HGSNAT: variants seen among roughly 807,000 people sequenced by gnomAD.
HGSNAT encodes the protein heparan-alpha-glucosaminide N-acetyltransferase, also known as transmembrane protein 76.
In HGSNAT, 59 loss-of-function variants were observed where a neutral mutation model predicts 85.2. The observed-to-expected ratio is 0.69, with a 90% CI of 0.56 to 0.86. The LOEUF is 0.86. Ranked by LOEUF, HGSNAT falls within the 40% of genes least tolerant of loss-of-function variation. The pLI, the probability that HGSNAT is intolerant of heterozygous loss-of-function variation, is 0.00. For missense variants in HGSNAT, 756 were observed against 777.1 expected, an observed-to-expected ratio of 0.97 and a Z score of 0.32; for synonymous variants, 321 against 304.5, an observed-to-expected ratio of 1.05 and a Z score of -0.56.
At chr8:43,197,990 G>A (rs750918387) in intron 17 of HGSNAT, 38 bp downstream of exon 17, 2 of 1,464,568 alleles carry the variant, frequency 1.4e-6, no homozygotes, top group South Asian at 2.3e-5. Context: ...CTGGGATGGT[G>A]ACCAGGAGGC....
chr8:43,168,082 C>T (rs1803490229), intron 5 of HGSNAT: 2 of 175,796 alleles, frequency 1.1e-5, no homozygotes, highest in Admixed American at 1.3e-4. Flanking sequence ...CCATGCCTGG[C>T]TAATTTTTTT....
At chr8:43,166,567 C>T (rs980700777) in intron 5 of HGSNAT, among the ~76,000 whole-genome samples, 10 of 152,176 alleles carry the variant, frequency 6.6e-5, no homozygotes, top group Non-Finnish European at 8.8e-5. Flanking sequence ...TTTAAGCCTA[C>T]TGTCGAGACC....
intron 2 of HGSNAT, among the ~76,000 whole-genome samples, chr8:43,154,160 A>G (rs1263355731): frequency 6.6e-6 from 1 of 152,184 alleles, no homozygotes; most frequent in Admixed American, 6.5e-5. Context: ...TATTAGCCAC[A>G]CAAACTTCTT....
At chr8:43,196,205 A>T (rs761562725) in intron 14 of HGSNAT, 3 of 328,720 alleles carry the variant, frequency 9.1e-6, no homozygotes. Context: ...GGATTGAATA[A>T]GTTAATTCAT....
At chr8:43,144,991 C>T (rs906134069) in intron 1 of HGSNAT, among the ~76,000 whole-genome samples, 1 of 152,136 alleles carries the variant, frequency 6.6e-6, no homozygotes, top group Non-Finnish European at 1.5e-5. Flanking sequence ...GTTCAAACAG[C>T]ACCACTGGTA....
intron 1 of HGSNAT, among the ~76,000 whole-genome samples, chr8:43,144,094 C>T (rs952183437): frequency 1.3e-5 from 2 of 151,818 alleles, no homozygotes; most frequent in African/African-American, 4.8e-5. Context: ...TCGAGGTGGG[C>T]AGATCACTTG....
At chr8:43,181,047 C>T (rs1157628587) in intron 10 of HGSNAT, among the ~76,000 whole-genome samples, 85 of 105,248 alleles carry the variant, frequency 8.1e-4, no homozygotes, top group East Asian at 2.8e-3. Context: ...GCAGCAGTAC[C>T]GTCCAGCCTT....
In HGSNAT at chr8:43,158,596, A is replaced by G. The variant is rs1803165689; in HGVS notation, c.256A>G (p.Asn86Asp). The G allele has an allele frequency of 6.2e-7, 1 of 1,613,922 alleles. No homozygotes were observed. The highest frequency in any genetic ancestry group is 8.5e-7 in the Non-Finnish European group (1 of 1,179,856). Reference protein sequence around the residue: ...CYHCLFQVLVNVPQSPKAGKP... With the variant: ...CYHCLFQVLVDVPQSPKAGKP... ...ACAGTGCTTGTTTCAGGTTCTGGTA[A>G]ACGTTCCTCAGAGTCCAAAAGCAGG... is the stretch of plus-strand genomic sequence containing the variant. The change falls in exon 3 of 18, where the codon AAC (asparagine) becomes GAC (aspartate). Residue 86 changes from asparagine to aspartate, a missense_variant. Transcript: ENST00000379644.
chr8:43,141,317 A>G (rs1389336191), intron 1 of HGSNAT, among the ~76,000 whole-genome samples: 1 of 149,958 alleles, frequency 6.7e-6, no homozygotes, highest in African/African-American at 2.5e-5. Context: ...GCCGCCTGGG[A>G]GGGGCCGGGC....
At chr8:43,164,349 C>A (rs899093804) in intron 5 of HGSNAT, among the ~76,000 whole-genome samples, 2 of 151,662 alleles carry the variant, frequency 1.3e-5, no homozygotes, top group Non-Finnish European at 2.9e-5. Context: ...ATTGAAGGTT[C>A]GTGGCAACCC....
At chr8:43,146,909 CTTTTTT>C in intron 1 of HGSNAT, 33 bp from the exon 2 acceptor site, 1 of 1,035,184 alleles carries the variant, frequency 9.7e-7, no homozygotes, top group Non-Finnish European at 1.4e-6. Flanking sequence ...TTTCGGGTGC[CTTTTTT>C]TTTTTTTTTT....
At chr8:43,154,408 T>G (rs1803023215) in intron 2 of HGSNAT, among the ~76,000 whole-genome samples, 1 of 147,082 alleles carries the variant, frequency 6.8e-6, no homozygotes, top group Non-Finnish European at 1.5e-5. Flanking sequence ...TGTGTTCTCA[T>G]TGTTCAATTC....
chr8:43,169,597 T>A (rs1031568558), intron 6 of HGSNAT, among the ~76,000 whole-genome samples: 3 of 152,226 alleles, frequency 2.0e-5, no homozygotes, highest in Admixed American at 2.0e-4. Flanking sequence ...TGGCCTCCTC[T>A]AATGATTTAA....
At chr8:43,185,779 A>G (rs1804286275) in intron 11 of HGSNAT, among the ~76,000 whole-genome samples, 1 of 152,184 alleles carries the variant, frequency 6.6e-6, no homozygotes, top group Non-Finnish European at 1.5e-5. Flanking sequence ...TGGGTTTGTC[A>G]TAAGTAGCTC....
rs765410268 is a variant in HGSNAT at position 43,192,379 on chromosome 8, C to T, written c.1326C>T (p.Ile442=). 14 of 1,612,922 alleles carry T rather than the reference C, an allele frequency of 8.7e-6. No individual in the cohort carries two copies. Among genetic ancestry groups the T allele is most frequent in the East Asian group, 6.7e-5 (3 of 44,874 alleles). The change falls in exon 13 of 18, where the codon ATC becomes ATT. Residue 442 remains isoleucine, a synonymous_variant. Coordinates refer to ENST00000379644, the MANE Select transcript of HGSNAT (RefSeq NM_152419.3). ...GCACTGGAGGAGCTGCAGGCTACAT[C>T]GACCGCCTGCTGCTGGGAGACGATC... The part of the protein sequence containing the change: ...PNCTGGAAGY[I]DRLLLGDDHL...
chr8:43,193,961 A>C lies in HGSNAT; in HGVS notation c.1464+118A>C, dbSNP rs1033773024. ...ATATTCTCTCTTGTGCTATGGGCCT[A>C]ATATATTCTGTTATCTTTGACAGAT... On this transcript the variant is annotated intron_variant, in intron 14 of 17. Coordinates refer to ENST00000379644, the MANE Select transcript of HGSNAT (RefSeq NM_152419.3). The C allele has an allele frequency of 2.0e-6, 3 of 1,485,314 alleles. No homozygotes were observed. The African/African-American group carries it at 4.2e-5, about 21-fold the overall frequency. 92.0% of individuals were successfully genotyped at this position (1,485,314 alleles called of 1,614,324 possible).
chr8:43,170,472 T>A, intron 6 of HGSNAT, 113 bp from the exon 7 acceptor site: 1 of 976,526 alleles, frequency 1.0e-6, no homozygotes, highest in Non-Finnish European at 1.6e-6. Context: ...AGAGCGAGAC[T>A]CTGTCTCAAA....
chr8:43,150,229 C>T (rs902545422), intron 2 of HGSNAT, among the ~76,000 whole-genome samples: 2 of 151,868 alleles, frequency 1.3e-5, no homozygotes, highest in Non-Finnish European at 2.9e-5. Context: ...CTGGGATTAC[C>T]GACGTGAGCC....
At chr8:43,177,035 T>G (rs762647655) in intron 9 of HGSNAT, among the ~76,000 whole-genome samples, 10 of 152,174 alleles carry the variant, frequency 6.6e-5, no homozygotes, top group Non-Finnish European at 1.5e-4. Flanking sequence ...TGCCCTTTAT[T>G]TGTTTCTCTT....
Sources: gnomAD v4.1 joint callset for allele counts (sites outside exome capture counted in the v4.1 genomes callset) on GRCh38, gnomAD v4.1.1 for gene constraint, MANE v1.5 for transcripts, NCBI Gene and HGNC (gene_info 2026-07-23, HGNC 2026-07-21) for gene names.